PTPRD: variants seen among roughly 807,000 people sequenced by gnomAD.
PTPRD encodes protein tyrosine phosphatase receptor type D.
Under a neutral mutation model 214.5 loss-of-function variants are expected in PTPRD, and 34 were observed. The observed-to-expected ratio is 0.16, with a 90% CI of 0.12 to 0.21. PTPRD has a LOEUF of 0.21. PTPRD is among the 10% of genes least tolerant of loss of function. The pLI is 1.00. For synonymous variants in PTPRD, 1,128 were observed against 845.7 expected (o/e 1.33, Z -5.79); for missense variants, 2,545 against 2,398.7 (o/e 1.06, Z -1.27).
intron 10 of PTPRD, among the ~76,000 whole-genome samples, chr9:9,167,861 A>T (rs974427898): frequency 5.9e-5 from 9 of 152,166 alleles, no homozygotes; most frequent in Non-Finnish European, 1.5e-5. Flanking sequence ...ACTGCATGAA[A>T]CATGCTATTT....
chr9:10,302,475 G>T (rs909467600), intron 3 of PTPRD, among the ~76,000 whole-genome samples: 9 of 152,142 alleles, frequency 5.9e-5, no homozygotes, highest in African/African-American at 2.2e-4. Context: ...CTGGCAAACT[G>T]GATAAAGAGT....
intron 20 of PTPRD, among the ~76,000 whole-genome samples, chr9:8,520,274 T>C (rs72694776): frequency 2.1e-3 from 313 of 152,264 alleles, no homozygotes; most frequent in Non-Finnish European, 3.8e-3. Flanking sequence ...ATAACATTAT[T>C]TCACGATTGT....
chr9:10,546,482 G>T (rs1008640481), intron 2 of PTPRD, among the ~76,000 whole-genome samples: 1 of 91,532 alleles, frequency 1.1e-5, no homozygotes, highest in African/African-American at 4.8e-5. Context: ...TTACTGCAAA[G>T]AAGTAGGGGA....
intron 10 of PTPRD, among the ~76,000 whole-genome samples, chr9:9,165,545 A>T (rs1413829407): frequency 6.6e-6 from 1 of 152,200 alleles, no homozygotes; most frequent in Non-Finnish European, 1.5e-5. Context: ...GTAAGATTGG[A>T]AAGATAAAAA....
intron 35 of PTPRD, among the ~76,000 whole-genome samples, chr9:8,414,125 A>G (rs1345469007): frequency 6.6e-6 from 1 of 152,204 alleles, no homozygotes; most frequent in African/African-American, 2.4e-5. Flanking sequence ...GTACCTTAGA[A>G]CTAGTTAAAT....
intron 11 of PTPRD, among the ~76,000 whole-genome samples, chr9:8,736,386 A>G (rs1160000741): frequency 6.6e-6 from 1 of 152,204 alleles, no homozygotes; most frequent in Admixed American, 6.5e-5. Flanking sequence ...GAAAATGACT[A>G]TCAGTATTCA....
intron 9 of PTPRD, among the ~76,000 whole-genome samples, chr9:9,238,157 C>A (rs1218712511): frequency 1.3e-5 from 2 of 151,978 alleles, no homozygotes; most frequent in African/African-American, 2.4e-5. Context: ...GCACTATTGA[C>A]CCCCTTTGGG....
At chr9:8,608,430 A>G (rs1035646585) in intron 14 of PTPRD, among the ~76,000 whole-genome samples, 59 of 152,318 alleles carry the variant, frequency 3.9e-4, no homozygotes, top group African/African-American at 1.4e-3. Context: ...GCCACTTAGC[A>G]AAGCATCACT....
At chr9:10,263,006 C>T (rs1358823638) in intron 3 of PTPRD, among the ~76,000 whole-genome samples, 2 of 152,138 alleles carry the variant, frequency 1.3e-5, no homozygotes, top group African/African-American at 4.8e-5. Flanking sequence ...GGGGTTTCCC[C>T]TTTCACTTGG....
chr9:8,713,958 G>C (rs1198233859), intron 12 of PTPRD: 1 of 625,384 alleles, frequency 1.6e-6, no homozygotes, highest in Non-Finnish European at 2.8e-6. Context: ...GAATTAGTGA[G>C]GCCTGACCTT....
chr9:8,589,542 A>G (rs998785855), intron 14 of PTPRD, among the ~76,000 whole-genome samples: 1 of 152,202 alleles, frequency 6.6e-6, no homozygotes, highest in Non-Finnish European at 1.5e-5. Context: ...CATGTTGAAA[A>G]CAAGATACTA....
chr9:9,107,426 C>A (rs1388887547), intron 10 of PTPRD, among the ~76,000 whole-genome samples: 1 of 152,162 alleles, frequency 6.6e-6, no homozygotes, highest in African/African-American at 2.4e-5. Flanking sequence ...CTTGTTTTTA[C>A]TATAATGTGG....
chr9:8,692,932 G>T (rs1466965564), intron 12 of PTPRD, among the ~76,000 whole-genome samples: 2 of 152,122 alleles, frequency 1.3e-5, no homozygotes, highest in African/African-American at 4.8e-5. Context: ...TCAGTTTTGG[G>T]TTCCATTCAT....
intron 9 of PTPRD, among the ~76,000 whole-genome samples, chr9:9,375,898 C>T (rs906085536): frequency 2.0e-5 from 3 of 152,056 alleles, no homozygotes; most frequent in Non-Finnish European, 2.9e-5. Context: ...ATACTTAATG[C>T]CACTGAATGG....
chr9:8,427,170 T>C (rs10977089), intron 35 of PTPRD, among the ~76,000 whole-genome samples: 37,082 of 152,088 alleles, frequency 0.24, 5,437 homozygotes, highest in Non-Finnish European at 0.32. Context: ...TCAGGGACTT[T>C]ATTCAGTAGG....
Position 9,811,310 on chromosome 9 carries a change from A to C in PTPRD, c.-367-44459T>G, listed in dbSNP as rs576950794. On this transcript the variant is annotated intron_variant, in intron 5 of 45. Coordinates refer to ENST00000381196, the MANE Select transcript of PTPRD (RefSeq NM_002839.4). ...AAGAAGAAACTACAGATGTGGTAGAAATGCAAGAGAACTAGAACTACAAGT... is the reference window on the plus strand; with the variant it reads ...AAGAAGAAACTACAGATGTGGTAGACATGCAAGAGAACTAGAACTACAAGT... Among the ~76,000 whole-genome samples, 5 of 152,342 alleles carry C rather than the reference A, an allele frequency of 3.3e-5. No homozygotes were observed. In the South Asian group the frequency reaches 1.0e-3, roughly 32 times the overall value.
intron 5 of PTPRD, among the ~76,000 whole-genome samples, chr9:9,779,435 A>G (rs2098826038): frequency 6.6e-6 from 1 of 152,192 alleles, no homozygotes; most frequent in Admixed American, 6.5e-5. Flanking sequence ...AATGGGAGGA[A>G]ATATTCACAA....
chr9:10,447,249 T>C (rs73408151), intron 2 of PTPRD, among the ~76,000 whole-genome samples: 13,370 of 151,934 alleles, frequency 0.088, 1,090 homozygotes, highest in African/African-American at 0.19. Flanking sequence ...GCTAATTTTG[T>C]AGTCTACACT....
At chr9:9,766,435 G>C (rs973009702) in intron 6 of PTPRD, among the ~76,000 whole-genome samples, 4 of 152,048 alleles carry the variant, frequency 2.6e-5, no homozygotes, top group Admixed American at 2.6e-4. Context: ...GATACTTTTA[G>C]GTAGTTCTTG....
Sources: gnomAD v4.1 joint callset for allele counts (sites outside exome capture counted in the v4.1 genomes callset) on GRCh38, gnomAD v4.1.1 for gene constraint, MANE v1.5 for transcripts, NCBI Gene and HGNC (gene_info 2026-07-23, HGNC 2026-07-21) for gene names.